AUTS2: variants seen among roughly 807,000 people sequenced by gnomAD.
AUTS2 encodes the protein activator of transcription and developmental regulator AUTS2.
In AUTS2, 17 loss-of-function variants were observed where a neutral mutation model predicts 112.4. The observed-to-expected ratio is 0.15, with a 90% confidence interval of 0.10 to 0.23. The LOEUF is 0.23. Among genes scored for constraint, AUTS2 ranks in the 10% least tolerant of loss-of-function variants. The pLI is 1.00. For synonymous variants in AUTS2, 751 were observed against 702.7 expected (o/e 1.07, Z -1.09); for missense variants, 1,510 against 1,701.6 (o/e 0.89, Z 1.98).
At chr7:69,864,713 G>A (rs576549675) in intron 1 of AUTS2, among the ~76,000 whole-genome samples, 9 of 152,134 alleles carry the variant, frequency 5.9e-5, no homozygotes, top group East Asian at 5.8e-4. Flanking sequence ...TCTTAAAATC[G>A]GATAACAGAA....
intron 2 of AUTS2, among the ~76,000 whole-genome samples, chr7:70,060,819 C>T (rs1043200473): frequency 5.3e-5 from 8 of 152,284 alleles, no homozygotes; most frequent in African/African-American, 1.9e-4. Context: ...AAGGCAGCAC[C>T]CACCTCTCTG....
chr7:70,585,174 A>G (rs62455832), intron 5 of AUTS2, among the ~76,000 whole-genome samples: 21,934 of 152,126 alleles, frequency 0.14, 2,222 homozygotes, highest in African/African-American at 0.29. Context: ...TGTGTGAAAA[A>G]GCAGTGGAGA....
intron 2 of AUTS2, among the ~76,000 whole-genome samples, chr7:70,051,492 G>A (rs965525195): frequency 6.6e-6 from 1 of 152,116 alleles, no homozygotes; most frequent in African/African-American, 2.4e-5. Flanking sequence ...CGAGGCAGGT[G>A]GATCACCTGA....
intron 2 of AUTS2, among the ~76,000 whole-genome samples, chr7:70,028,742 A>C (rs976881647): frequency 1.3e-5 from 2 of 152,048 alleles, no homozygotes; most frequent in Non-Finnish European, 2.9e-5. Flanking sequence ...TCTTGACTAG[A>C]TTTTAATAAT....
At chr7:70,559,927 G>T (rs1298551071) in intron 5 of AUTS2, among the ~76,000 whole-genome samples, 1 of 152,164 alleles carries the variant, frequency 6.6e-6, no homozygotes, top group Non-Finnish European at 1.5e-5. Flanking sequence ...AGGCCAGGAT[G>T]CTCAAAACCC....
chr7:70,734,825 A>G (rs1269141574), intron 6 of AUTS2, among the ~76,000 whole-genome samples: 1 of 152,148 alleles, frequency 6.6e-6, no homozygotes. Context: ...TGGAAGCAAC[A>G]TCTTCCTAAA....
At chr7:69,800,436 C>T (rs755135390) in intron 1 of AUTS2, among the ~76,000 whole-genome samples, 33 of 152,128 alleles carry the variant, frequency 2.2e-4, no homozygotes, top group Non-Finnish European at 3.7e-4. Flanking sequence ...TGTAGAAGTC[C>T]AAAGCAGTCC....
At chr7:70,765,458 A>G (rs1789877604) in intron 8 of AUTS2, among the ~76,000 whole-genome samples, 1 of 151,890 alleles carries the variant, frequency 6.6e-6, no homozygotes, top group African/African-American at 2.4e-5. Context: ...GAGATGACAC[A>G]CTCTTTGTGA....
intron 6 of AUTS2, among the ~76,000 whole-genome samples, chr7:70,740,416 G>A (rs1788034950): frequency 6.6e-6 from 1 of 152,128 alleles, no homozygotes; most frequent in Non-Finnish European, 1.5e-5. Flanking sequence ...TGCTGCTTCA[G>A]AGGACTTAGT....
intron 1 of AUTS2, among the ~76,000 whole-genome samples, chr7:69,694,783 T>C (rs1245579418): frequency 2.0e-5 from 3 of 152,228 alleles, no homozygotes; most frequent in Non-Finnish European, 2.9e-5. Context: ...AAATCCATTA[T>C]TTTACAAGGT....
intron 1 of AUTS2, among the ~76,000 whole-genome samples, chr7:69,856,592 TA>T (rs993179004): frequency 6.6e-6 from 1 of 152,148 alleles, no homozygotes; most frequent in Non-Finnish European, 1.5e-5. Context: ...CATTACAGAC[TA>T]AGCTGGATGC....
At chr7:69,656,748 A>C (rs190672165) in intron 1 of AUTS2, among the ~76,000 whole-genome samples, 1 of 152,194 alleles carries the variant, frequency 6.6e-6, no homozygotes, top group African/African-American at 2.4e-5. Context: ...TGTGAATTTG[A>C]TGTTGGATCA....
Position 70,219,394 on chromosome 7 carries a change from G to T in AUTS2, c.660+84823G>T, listed in dbSNP as rs536918936. Among the ~76,000 whole-genome samples the T allele has an allele frequency of 5.3e-5, 8 of 151,932 alleles. No individual in the cohort carries two copies. In the South Asian group the frequency reaches 1.7e-3, roughly 32 times the overall value. On this transcript the variant is annotated intron_variant, in intron 4 of 18. Coordinates refer to ENST00000342771, the MANE Select transcript of AUTS2 (RefSeq NM_015570.4). ...CTCATGCGTTCTCCAATAAAAGCAA[G>T]ATATATGATGTGGAAAAGTTCTCTA...
intron 5 of AUTS2, among the ~76,000 whole-genome samples, chr7:70,534,395 A>AATTT (rs1800222836): frequency 7.6e-6 from 1 of 131,458 alleles, no homozygotes; most frequent in African/African-American, 3.0e-5. Context: ...TGGGAATATG[A>AATTT]ATTTGTTTGT....
At chr7:70,633,255 C>A (rs1169961291) in intron 5 of AUTS2, among the ~76,000 whole-genome samples, 3 of 152,162 alleles carry the variant, frequency 2.0e-5, no homozygotes, top group African/African-American at 7.2e-5. Flanking sequence ...GGATTCTCCA[C>A]AGCACAGCTC....
intron 6 of AUTS2, among the ~76,000 whole-genome samples, chr7:70,748,422 C>A (rs1351489312): frequency 6.6e-6 from 1 of 152,110 alleles, no homozygotes; most frequent in African/African-American, 2.4e-5. Flanking sequence ...CCTGTCACCC[C>A]CTTTGTAAAA....
At chr7:70,496,539 C>T (rs1203334896) in intron 5 of AUTS2, among the ~76,000 whole-genome samples, 1 of 121,416 alleles carries the variant, frequency 8.2e-6, no homozygotes, top group African/African-American at 3.2e-5. Context: ...ACACACACCA[C>T]GTACACAGTC....
At chr7:70,227,857 T>C (rs1811847286) in intron 4 of AUTS2, among the ~76,000 whole-genome samples, 1 of 152,136 alleles carries the variant, frequency 6.6e-6, no homozygotes, top group South Asian at 2.1e-4. Flanking sequence ...GCATATGATC[T>C]ATTTTGATGA....
intron 17 of AUTS2, 44 bp from the exon 18 acceptor site, chr7:70,787,165 A>G (rs755888343): frequency 2.5e-6 from 4 of 1,589,838 alleles, no homozygotes; most frequent in Non-Finnish European, 1.7e-6. Context: ...AGCAGATTAT[A>G]TAATTTCTCT....
Sources: gnomAD v4.1 joint callset for allele counts (sites outside exome capture counted in the v4.1 genomes callset) on GRCh38, gnomAD v4.1.1 for gene constraint, MANE v1.5 for transcripts, NCBI Gene and HGNC (gene_info 2026-07-23, HGNC 2026-07-21) for gene names.